Variants in MAPKAP1 observed in about 807,000 individuals in gnomAD.
MAPKAP1 encodes MAPK associated protein 1, also known as target of rapamycin complex 2 subunit MAPKAP1.
A neutral mutation model predicts 65.7 loss-of-function variants in MAPKAP1; 20 were observed. The observed-to-expected ratio is 0.30, with a 90% CI of 0.21 to 0.44. The LOEUF is 0.44. MAPKAP1 is among the 20% of genes least tolerant of loss of function. The pLI is 1.00. For synonymous variants in MAPKAP1, 222 were observed against 244.3 expected (o/e 0.91, Z 0.85); for missense variants, 423 against 648.0 (o/e 0.65, Z 3.77).
intron 4 of MAPKAP1, among the ~76,000 whole-genome samples, chr9:125,609,415 C>T (rs1295263758): frequency 6.6e-6 from 1 of 152,218 alleles, no homozygotes; most frequent in Non-Finnish European, 1.5e-5. Flanking sequence ...AGAAATCCCA[C>T]TCTCGGAATG....
At chr9:125,453,034 T>A (rs1462159903) in intron 10 of MAPKAP1, among the ~76,000 whole-genome samples, 2 of 152,226 alleles carry the variant, frequency 1.3e-5, no homozygotes, top group African/African-American at 4.8e-5. Context: ...CTCCCCAAAG[T>A]TAAATAAGAG....
At chr9:125,650,119 G>T (rs1480924015) in intron 4 of MAPKAP1, among the ~76,000 whole-genome samples, 1 of 151,974 alleles carries the variant, frequency 6.6e-6, no homozygotes, top group African/African-American at 2.4e-5. Flanking sequence ...AATATCTCTC[G>T]AATTCATTCA....
chr9:125,484,951 A>T (rs1854447922), intron 8 of MAPKAP1, among the ~76,000 whole-genome samples: 1 of 152,146 alleles, frequency 6.6e-6, no homozygotes, highest in African/African-American at 2.4e-5. Context: ...TTTCCTAATC[A>T]CAAAAGTAAT....
Position 125,698,321 on chromosome 9 carries a change from AT to A in MAPKAP1, c.-70+8649del, listed in dbSNP as rs1835486896. Among the ~76,000 whole-genome samples the A allele has an allele frequency of 2.8e-4, 30 of 105,678 alleles. 1 individual carries two copies. The highest frequency in any genetic ancestry group is 4.7e-4 in the Non-Finnish European group (26 of 54,972). 69.3% of individuals were successfully genotyped at this position (105,678 alleles called of 152,430 possible). A position where few individuals can be genotyped will look rare whatever the true frequency, so the allele number is the denominator to read the frequency against. ...TATATATATATATATATATATATAT[AT>A]ATATATATATATATAAAATATATAT... On this transcript the variant is annotated intron_variant, in intron 1 of 11. Coordinates refer to ENST00000265960, the MANE Select transcript of MAPKAP1 (RefSeq NM_001006617.3).
At chr9:125,488,194 C>T (rs949880885) in intron 8 of MAPKAP1, among the ~76,000 whole-genome samples, 4 of 152,120 alleles carry the variant, frequency 2.6e-5, no homozygotes, top group Middle Eastern at 3.2e-3. Context: ...CTGAGCCTTG[C>T]CCCAACTGAC....
intron 11 of MAPKAP1, among the ~76,000 whole-genome samples, chr9:125,441,190 C>T (rs1852467788): frequency 6.6e-6 from 1 of 152,184 alleles, no homozygotes. Flanking sequence ...AAAGCCACAG[C>T]CTCCATCACT....
chr9:125,626,036 C>T (rs1028801080), intron 4 of MAPKAP1, among the ~76,000 whole-genome samples: 3 of 152,112 alleles, frequency 2.0e-5, no homozygotes, highest in Admixed American at 6.5e-5. Context: ...AAGGACTGAA[C>T]GTCTACATTT....
At chr9:125,527,823 G>A (rs773356449) in intron 7 of MAPKAP1, among the ~76,000 whole-genome samples, 9 of 152,116 alleles carry the variant, frequency 5.9e-5, no homozygotes, top group Non-Finnish European at 1.0e-4. Context: ...GAATCTGGGC[G>A]GCAACACTAA....
chr9:125,653,403 A>C (rs1377281497), intron 4 of MAPKAP1, among the ~76,000 whole-genome samples: 1 of 152,222 alleles, frequency 6.6e-6, no homozygotes, highest in Non-Finnish European at 1.5e-5. Flanking sequence ...AAAGGTAGGA[A>C]GTCAGTGTGG....
At chr9:125,705,362 A>G (rs1835725472) in intron 1 of MAPKAP1, among the ~76,000 whole-genome samples, 1 of 152,174 alleles carries the variant, frequency 6.6e-6, no homozygotes, top group Admixed American at 6.5e-5. Context: ...AGAAACCCCT[A>G]TATAATACCC....
chr9:125,599,601 T>G (rs1021018446), intron 4 of MAPKAP1, among the ~76,000 whole-genome samples: 4 of 130,134 alleles, frequency 3.1e-5, no homozygotes, highest in Non-Finnish European at 6.3e-5. Flanking sequence ...TAAATGTAAG[T>G]CCCTTTTTTT....
chr9:125,524,875 T>C (rs776368908), intron 7 of MAPKAP1, among the ~76,000 whole-genome samples: 30 of 152,230 alleles, frequency 2.0e-4, no homozygotes, highest in Non-Finnish European at 3.2e-4. Context: ...TTAACCCTTC[T>C]GCATATCCTG....
rs1830811969 is a variant in MAPKAP1, at chr9:125,558,862, GCAAA to G, written c.848+767_848+770del. 1.3e-5 allele frequency among the ~76,000 whole-genome samples: 2 copies of G among 152,118 alleles called. 1 individual carries two copies. Among genetic ancestry groups the G allele is most frequent in the South Asian group, 4.1e-4 (2 of 4,824 alleles). On this transcript the variant is annotated intron_variant, in intron 6 of 11. Coordinates refer to ENST00000265960, the MANE Select transcript of MAPKAP1 (RefSeq NM_001006617.3). ...GCATTTCCTTGATTTATAAGTGTAG[GCAAA>G]CAATCACAGCAGAATCACAGTGCCA...
rs535775011 is a variant in MAPKAP1 at position 125,594,696 on chromosome 9, C to G, written c.499-8969G>C. ...CTTTTTTCTGTAACTACCCTCACCA[C>G]CTCCTTCCCCACACTCTCTCATTCA... On this transcript the variant is annotated intron_variant, in intron 4 of 11. Coordinates refer to ENST00000265960, the MANE Select transcript of MAPKAP1 (RefSeq NM_001006617.3). Among the ~76,000 whole-genome samples the G allele has an allele frequency of 2.3e-3, 345 of 152,234 alleles. 1 individual carries two copies. The highest frequency in any genetic ancestry group is 6.8e-3 in the Middle Eastern group (2 of 292).
chr9:125,521,663 T>G, intron 7 of MAPKAP1: 1 of 1,554,598 alleles, frequency 6.4e-7, no homozygotes, highest in Non-Finnish European at 8.6e-7. Flanking sequence ...TGGCAAAGGT[T>G]TCTGACATCC....
chr9:125,633,103 C>A (rs553717070), intron 4 of MAPKAP1, among the ~76,000 whole-genome samples: 33 of 152,312 alleles, frequency 2.2e-4, no homozygotes, highest in Admixed American at 1.1e-3. Flanking sequence ...AAATGCAAGA[C>A]CGCTCAATCC....
intron 4 of MAPKAP1, among the ~76,000 whole-genome samples, chr9:125,632,085 G>T (rs140522072): frequency 0.025 from 3,743 of 152,176 alleles, 80 homozygotes; most frequent in South Asian, 0.057. Context: ...AGCCAGGCAT[G>T]GTGGCACATG....
chr9:125,469,748 A>G (rs547611725), intron 9 of MAPKAP1, among the ~76,000 whole-genome samples: 2 of 152,376 alleles, frequency 1.3e-5, no homozygotes, highest in South Asian at 4.1e-4. Context: ...CTGGACGTTC[A>G]GGTCTAGATG....
intron 10 of MAPKAP1, among the ~76,000 whole-genome samples, chr9:125,452,300 T>C (rs1474623496): frequency 6.6e-6 from 1 of 152,058 alleles, no homozygotes; most frequent in Non-Finnish European, 1.5e-5. Context: ...GGTTTTGCCA[T>C]GTTGGCTAGG....
Sources: gnomAD v4.1 joint callset for allele counts (sites outside exome capture counted in the v4.1 genomes callset) on GRCh38, gnomAD v4.1.1 for gene constraint, MANE v1.5 for transcripts, NCBI Gene and HGNC (gene_info 2026-07-23, HGNC 2026-07-21) for gene names.